RBM20: variants seen among roughly 807,000 people sequenced by gnomAD.
The protein encoded by RBM20 is RNA-binding protein 20.
In RBM20, 51 loss-of-function variants were observed where a neutral mutation model predicts 110.1. That is an observed-to-expected ratio of 0.46 (90% CI 0.37 to 0.59). The LOEUF (loss-of-function observed/expected upper bound fraction) is 0.59. RBM20 is among the 20% of genes least tolerant of loss of function. The pLI, the probability that RBM20 is intolerant of heterozygous loss-of-function variation, is 0.00. For synonymous variants in RBM20, 589 were observed against 618.2 expected (o/e 0.95, Z 0.70); for missense variants, 1,512 against 1,574.9 (o/e 0.96, Z 0.68).
chr10:110,835,967 A>T lies in RBM20; in HGVS notation c.3673A>T (p.Lys1225Ter). ...DSGIVPRFER[K>*]KL Reference sequence around the variant, plus strand: ...CGGAATCGTGCCACGCTTCGAAAGGAAAAAGCTCTGATGCTTCTGCTTCTG... The same window carrying T: ...CGGAATCGTGCCACGCTTCGAAAGGTAAAAGCTCTGATGCTTCTGCTTCTG... The change falls in exon 14 of 14, where the codon AAA becomes TAA. Residue 1225 changes from lysine to a stop codon, truncating the protein, a stop_gained. Coordinates refer to ENST00000369519, the MANE Select transcript of RBM20 (RefSeq NM_001134363.3). LOFTEE classifies it high-confidence loss of function. The T allele has an allele frequency of 8.3e-7, 1 of 1,211,598 alleles. No homozygotes were observed. The highest frequency in any genetic ancestry group is 1.3e-5 in the South Asian group (1 of 74,172). 75.1% of individuals were successfully genotyped at this position (1,211,598 alleles called of 1,614,324 possible).
intron 1 of RBM20, among the ~76,000 whole-genome samples, chr10:110,755,365 A>G (rs1465411222): frequency 6.6e-6 from 1 of 152,168 alleles, no homozygotes; most frequent in South Asian, 2.1e-4. Flanking sequence ...CTTTAGGTTA[A>G]AGCTTTCTCC....
At chr10:110,782,608 CTG>C (rs1325876076) in intron 2 of RBM20, among the ~76,000 whole-genome samples, 2 of 152,138 alleles carry the variant, frequency 1.3e-5, no homozygotes, top group Non-Finnish European at 2.9e-5. Flanking sequence ...GATGAGAAAA[CTG>C]AGGCCCAGAG....
Position 110,810,437 on chromosome 10 carries a change from A to C in RBM20, c.1855A>C (p.Arg619=), listed in dbSNP as rs1017649392. 6.4e-7 allele frequency: 1 copy of C among 1,551,450 alleles called. No individual in the cohort carries two copies. The highest frequency in any genetic ancestry group is 2.0e-5 in the Admixed American group (1 of 50,990). ...CCAGGACATCCATTCCCAGAGGGAG[A>C]GGGACATGTTCCGGGAAGCAGACAG... is the stretch of plus-strand genomic sequence containing the variant. ...IIQDIHSQRE[R]DMFREADRYG... The change falls in exon 8 of 14, where the codon AGG becomes CGG. Residue 619 remains arginine (R), a synonymous_variant. Coordinates refer to ENST00000369519, the MANE Select transcript of RBM20 (RefSeq NM_001134363.3).
chr10:110,790,818 G>C (rs758003462), intron 5 of RBM20, among the ~76,000 whole-genome samples: 3 of 151,634 alleles, frequency 2.0e-5, no homozygotes, highest in Admixed American at 6.6e-5. Flanking sequence ...TTTTTTTTCA[G>C]TGACACCTGA....
intron 1 of RBM20, among the ~76,000 whole-genome samples, chr10:110,751,704 A>T (rs1843855358): frequency 6.6e-6 from 1 of 152,228 alleles, no homozygotes; most frequent in Non-Finnish European, 1.5e-5. Context: ...ACTGGATGAA[A>T]CCATTTTTGG....
intron 1 of RBM20, among the ~76,000 whole-genome samples, chr10:110,659,511 A>G (rs1194071255): frequency 6.6e-6 from 1 of 152,216 alleles, no homozygotes; most frequent in African/African-American, 2.4e-5. Flanking sequence ...ATCTCCAGCC[A>G]GAGGCCAGAT....
At chr10:110,655,591 T>C (rs1862011244) in intron 1 of RBM20, among the ~76,000 whole-genome samples, 1 of 152,152 alleles carries the variant, frequency 6.6e-6, no homozygotes, top group African/African-American at 2.4e-5. Context: ...TGTCCAAGGC[T>C]CCTATTCATA....
At chr10:110,835,238 G>A (rs2135146394) in intron 13 of RBM20, 1 of 152,092 alleles carries the variant, frequency 6.6e-6, no homozygotes, top group East Asian at 1.9e-4. Context: ...AAGTCAAGCA[G>A]TTAGAACAGC....
intron 1 of RBM20, among the ~76,000 whole-genome samples, chr10:110,767,370 G>A (rs1844114099): frequency 6.8e-6 from 1 of 148,014 alleles, no homozygotes; most frequent in Admixed American, 6.6e-5. Context: ...CCCGGACAGG[G>A]CGGCTGGCCT....
At chr10:110,773,404 G>A (rs913882368) in intron 1 of RBM20, among the ~76,000 whole-genome samples, 1 of 152,116 alleles carries the variant, frequency 6.6e-6, no homozygotes, top group South Asian at 2.1e-4. Context: ...GAAGCAAAAT[G>A]ACCATTACAG....
intron 12 of RBM20, among the ~76,000 whole-genome samples, chr10:110,828,679 A>G (rs922308331): frequency 6.6e-6 from 1 of 152,188 alleles, no homozygotes; most frequent in African/African-American, 2.4e-5. Flanking sequence ...TATTATTCCT[A>G]TTTCACAGAT....
chr10:110,706,467 C>T (rs1862840899), intron 1 of RBM20, among the ~76,000 whole-genome samples: 1 of 152,250 alleles, frequency 6.6e-6, no homozygotes, highest in Non-Finnish European at 1.5e-5. Context: ...CCTCCCTTTT[C>T]ATTCTCTTTC....
chr10:110,677,808 G>T (rs1862361047), intron 1 of RBM20, among the ~76,000 whole-genome samples: 1 of 152,188 alleles, frequency 6.6e-6, no homozygotes, highest in Non-Finnish European at 1.5e-5. Flanking sequence ...TCATGTTGTA[G>T]ACATCTCTCT....
At chr10:110,830,413 AC>A (rs1248158225) in intron 12 of RBM20, among the ~76,000 whole-genome samples, 2 of 152,196 alleles carry the variant, frequency 1.3e-5, no homozygotes, top group Non-Finnish European at 1.5e-5. Context: ...GGATGTAAAG[AC>A]TAGAGGAAGT....
chr10:110,807,643 C>T (rs1015393400), intron 7 of RBM20, among the ~76,000 whole-genome samples: 1 of 152,236 alleles, frequency 6.6e-6, no homozygotes, highest in Non-Finnish European at 1.5e-5. Flanking sequence ...GGGTAATCTG[C>T]AAAACCTCAG....
At chr10:110,720,179 G>A (rs901510975) in intron 1 of RBM20, among the ~76,000 whole-genome samples, 3 of 152,062 alleles carry the variant, frequency 2.0e-5, no homozygotes, top group Non-Finnish European at 4.4e-5. Context: ...ATGGGTTTTG[G>A]GAGAACTCCA....
rs1366827920 is a variant in RBM20 at position 110,831,672 on chromosome 10, A to AC, written c.3573+490_3573+491insC. Among the ~76,000 whole-genome samples, 19 of 137,386 alleles carry AC rather than the reference A, an allele frequency of 1.4e-4. No individual in the cohort carries two copies. In the South Asian group the frequency reaches 2.7e-3, roughly 20 times the overall value. The allele number at this position is 137,386 out of a possible 152,430, so 90.1% of individuals were successfully genotyped here. A position where few individuals can be genotyped will look rare whatever the true frequency, so the allele number is the denominator to read the frequency against. ...GTATCCCTGCTTGCTAGAATAAAAA[A>AC]AAAAAAAAAAAAAAAAAAACACTGC... On this transcript the variant is annotated intron_variant, in intron 13 of 13. Transcript: ENST00000369519.
intron 2 of RBM20, among the ~76,000 whole-genome samples, chr10:110,782,914 C>T (rs115284437): frequency 0.012 from 1,869 of 152,232 alleles, 42 homozygotes; most frequent in African/African-American, 0.042. Context: ...CTAGCTGACA[C>T]GGGGAGGTGC....
At chr10:110,776,107 T>C (rs1054607808) in intron 1 of RBM20, among the ~76,000 whole-genome samples, 1 of 152,194 alleles carries the variant, frequency 6.6e-6, no homozygotes, top group Non-Finnish European at 1.5e-5. Flanking sequence ...GTTCTTGGAC[T>C]GGCCAGGTCT....
Sources: gnomAD v4.1 joint callset for allele counts (sites outside exome capture counted in the v4.1 genomes callset) on GRCh38, gnomAD v4.1.1 for gene constraint, MANE v1.5 for transcripts, NCBI Gene and HGNC (gene_info 2026-07-23, HGNC 2026-07-21) for gene names.